TAOK1: variants seen among roughly 807,000 people sequenced by gnomAD.
TAOK1 encodes the protein serine/threonine-protein kinase TAO1.
TAOK1 carries 21 observed loss-of-function variants against 138.3 expected under a neutral mutation model. The observed-to-expected ratio is 0.15, with a 90% CI of 0.11 to 0.22. TAOK1 has a LOEUF of 0.22. Ranked by LOEUF, TAOK1 falls within the 10% of genes least tolerant of loss-of-function variation. The pLI is 1.00. For synonymous variants in TAOK1, 361 were observed against 398.4 expected (o/e 0.91, Z 1.12); for missense variants, 651 against 1,227.7 (o/e 0.53, Z 7.02).
chr17:29,453,707 G>A (rs1266944331), intron 2 of TAOK1, among the ~76,000 whole-genome samples: 3 of 151,910 alleles, frequency 2.0e-5, no homozygotes, highest in Non-Finnish European at 4.4e-5. Flanking sequence ...CTCTCGAGTA[G>A]CTGGGATTAC....
chr17:29,541,895 G>T (rs527793657), intron 19 of TAOK1, among the ~76,000 whole-genome samples: 1 of 150,996 alleles, frequency 6.6e-6, no homozygotes, highest in Non-Finnish European at 1.5e-5. Context: ...TTTTTTGTGA[G>T]ACGGAGTCTC....
rs1380594758 is a variant in TAOK1, at chr17:29,548,156, T to C, written c.*5134T>C. ...CTTGTTTGTATTCAGATTTCCAAAA[T>C]TTCACTCATACAAGGGAAGAGACTC... On this transcript the variant is annotated 3_prime_UTR_variant, in exon 20 of 20. Transcript: ENST00000261716. The C allele has an allele frequency of 6.6e-6, 1 of 152,140 alleles. No homozygotes were observed. Among genetic ancestry groups the C allele is most frequent in the African/African-American group, 2.4e-5 (1 of 41,450 alleles). The allele number at this position is 152,140 out of a possible 1,614,324, so 9.4% of individuals were successfully genotyped here. A position where few individuals can be genotyped will look rare whatever the true frequency, so the allele number is the denominator to read the frequency against.
At chr17:29,397,998 G>A (rs993652831) in intron 1 of TAOK1, among the ~76,000 whole-genome samples, 6 of 151,946 alleles carry the variant, frequency 3.9e-5, no homozygotes, top group African/African-American at 1.5e-4. Flanking sequence ...GCCGTGAGTA[G>A]CTGAGACTGC....
At chr17:29,480,771 GA>G in intron 7 of TAOK1, among the ~76,000 whole-genome samples, 1 of 147,882 alleles carries the variant, frequency 6.8e-6, no homozygotes. Flanking sequence ...TTGAGAGGCT[GA>G]GGTAGGAGAA....
Position 29,543,268 on chromosome 17 carries a change from T to TATAAATAAATTTTGAAAA in TAOK1, c.*246_*247insATAAATAAATTTTGAAAA. ...AAGTGGAGTTGATATTAAAAATAAA[T>TATAAATAAATTTTGAAAA]GTGTATGTGTGTACATATATATACA... On this transcript the variant is annotated 3_prime_UTR_variant, in exon 20 of 20. Coordinates refer to ENST00000261716, the MANE Select transcript of TAOK1 (RefSeq NM_020791.4). 2.7e-6 allele frequency: 1 copy of TATAAATAAATTTTGAAAA among 372,268 alleles called. No homozygotes were observed. The highest frequency in any genetic ancestry group is 4.6e-5 in the East Asian group (1 of 21,670). The allele number at this position is 372,268 out of a possible 1,614,324, so 23.1% of individuals were successfully genotyped here. A position where few individuals can be genotyped will look rare whatever the true frequency, so the allele number is the denominator to read the frequency against.
intron 1 of TAOK1, among the ~76,000 whole-genome samples, chr17:29,444,406 T>C (rs1369949934): frequency 6.6e-6 from 1 of 152,200 alleles, no homozygotes; most frequent in Non-Finnish European, 1.5e-5. Context: ...TCAGGAACTT[T>C]AGTATGTATA....
chr17:29,464,661 A>G (rs2030613708), intron 2 of TAOK1, among the ~76,000 whole-genome samples: 1 of 152,068 alleles, frequency 6.6e-6, no homozygotes, highest in African/African-American at 2.4e-5. Context: ...ACATTTTGGA[A>G]AAAGAAATTC....
At chr17:29,441,360 G>A (rs2029936468) in intron 1 of TAOK1, among the ~76,000 whole-genome samples, 1 of 152,148 alleles carries the variant, frequency 6.6e-6, no homozygotes, top group Non-Finnish European at 1.5e-5. Context: ...AATTGTAGAA[G>A]TCATGAGTGA....
At position 29,546,139 on chromosome 17, in the gene TAOK1, TTTATA is replaced by T. The variant is rs1485767555; in HGVS notation, c.*3125_*3129del. On this transcript the variant is annotated 3_prime_UTR_variant, in exon 20 of 20. Transcript: ENST00000261716. Reference sequence around the variant, plus strand: ...TGTATAATGCTATCTGAAAAATGTGTTTATATTATATTTTCAGAGCTGCAATTCTT... The same window carrying T: ...TGTATAATGCTATCTGAAAAATGTGTTTATATTTTCAGAGCTGCAATTCTT... 2.0e-5 allele frequency: 3 copies of T among 152,094 alleles called. No homozygotes were observed. The highest frequency in any genetic ancestry group is 2.1e-4 in the South Asian group (1 of 4,832). 9.4% of individuals were successfully genotyped at this position (152,094 alleles called of 1,614,324 possible). A position where few individuals can be genotyped will look rare whatever the true frequency, so the allele number is the denominator to read the frequency against.
intron 3 of TAOK1, among the ~76,000 whole-genome samples, chr17:29,472,508 C>G (rs1286358615): frequency 6.6e-6 from 1 of 151,876 alleles, no homozygotes; most frequent in Non-Finnish European, 1.5e-5. Flanking sequence ...CTGCCTCGGC[C>G]TCCCAAAGTG....
At chr17:29,467,356 C>T (rs953884982) in intron 3 of TAOK1, 140 bp downstream of exon 3, 11 of 354,424 alleles carry the variant, frequency 3.1e-5, no homozygotes, top group African/African-American at 8.5e-5. Context: ...TCACTGCAAG[C>T]TCCGCCTCCC....
intron 1 of TAOK1, among the ~76,000 whole-genome samples, chr17:29,428,318 A>T (rs1258750199): frequency 6.6e-6 from 1 of 152,182 alleles, no homozygotes; most frequent in Non-Finnish European, 1.5e-5. Flanking sequence ...GGAATGCTTG[A>T]GAGGTGTTTT....
intron 1 of TAOK1, among the ~76,000 whole-genome samples, chr17:29,440,469 A>G (rs1350543897): frequency 6.6e-6 from 1 of 151,850 alleles, no homozygotes; most frequent in Non-Finnish European, 1.5e-5. Context: ...GTACCATATG[A>G]GCTTATTAAA....
chr17:29,499,193 C>A (rs1282445955), intron 12 of TAOK1, among the ~76,000 whole-genome samples: 1 of 148,646 alleles, frequency 6.7e-6, no homozygotes, highest in African/African-American at 2.5e-5. Context: ...GAGTGATGAT[C>A]AAAAGTGAAT....
At chr17:29,529,568 C>CA (rs1343106368) in intron 17 of TAOK1, among the ~76,000 whole-genome samples, 1 of 151,932 alleles carries the variant, frequency 6.6e-6, no homozygotes, top group Non-Finnish European at 1.5e-5. Flanking sequence ...CTTGTCTCTA[C>CA]AAAAAATACA....
chr17:29,414,309 G>A (rs1386672895), intron 1 of TAOK1, among the ~76,000 whole-genome samples: 1 of 152,064 alleles, frequency 6.6e-6, no homozygotes, highest in Non-Finnish European at 1.5e-5. Context: ...AGTGCAAGTG[G>A]CATGATCCCA....
chr17:29,439,413 C>T (rs1238342787), intron 1 of TAOK1, among the ~76,000 whole-genome samples: 1 of 152,036 alleles, frequency 6.6e-6, no homozygotes, highest in East Asian at 1.9e-4. Flanking sequence ...CCATGTTGAT[C>T]AGGCTGGTCT....
intron 19 of TAOK1, among the ~76,000 whole-genome samples, chr17:29,541,152 G>A (rs2032308671): frequency 6.6e-6 from 1 of 151,554 alleles, no homozygotes. Flanking sequence ...GTCTGTCGCC[G>A]AGGCTGGAGT....
rs1027666099 is a variant in TAOK1, at chr17:29,439,420, G to T, written c.-94-12035G>T. Among the ~76,000 whole-genome samples, 11 of 151,962 alleles carry T rather than the reference G, an allele frequency of 7.2e-5. 1 individual carries two copies. Among genetic ancestry groups the T allele is most frequent in the Admixed American group, 3.9e-4 (6 of 15,234 alleles). Reference sequence around the variant, plus strand: ...GGATTTCACCATGTTGATCAGGCTGGTCTTGAACTCCTGACCTTGTGATCT... The same window carrying T: ...GGATTTCACCATGTTGATCAGGCTGTTCTTGAACTCCTGACCTTGTGATCT... On this transcript the variant is annotated intron_variant, in intron 1 of 19. Coordinates refer to ENST00000261716, the MANE Select transcript of TAOK1 (RefSeq NM_020791.4).
Sources: gnomAD v4.1 joint callset for allele counts (sites outside exome capture counted in the v4.1 genomes callset) on GRCh38, gnomAD v4.1.1 for gene constraint, MANE v1.5 for transcripts, NCBI Gene and HGNC (gene_info 2026-07-23, HGNC 2026-07-21) for gene names.